RALGPS1: variants seen among roughly 807,000 people sequenced by gnomAD.
RALGPS1 encodes the protein ras-specific guanine nucleotide-releasing factor RalGPS1.
Under a neutral mutation model 78.8 loss-of-function variants are expected in RALGPS1, and 19 were observed. That is an observed-to-expected ratio of 0.24 (90% CI 0.17 to 0.35). The LOEUF is 0.35. Among genes scored for constraint, RALGPS1 ranks in the 10% least tolerant of loss-of-function variants. The pLI, the probability that RALGPS1 is intolerant of heterozygous loss-of-function variation, is 1.00. For missense variants in RALGPS1, 454 were observed against 688.3 expected, an observed-to-expected ratio of 0.66 and a Z score of 3.81; for synonymous variants, 228 against 256.3, an observed-to-expected ratio of 0.89 and a Z score of 1.06.
rs1008306722 is a variant in RALGPS1, at chr9:126,924,787, G to T, written c.-66+9812G>T. On this transcript the variant is annotated intron_variant, in intron 1 of 18. Coordinates refer to ENST00000259351, the MANE Select transcript of RALGPS1 (RefSeq NM_014636.3). ...TCCATCCATGCAGTTCTTGTCCAGGGTCTACTGAGTGCCAGTGCTATGCCA... is the reference window on the plus strand; with the variant it reads ...TCCATCCATGCAGTTCTTGTCCAGGTTCTACTGAGTGCCAGTGCTATGCCA... Among the ~76,000 whole-genome samples the T allele has an allele frequency of 2.0e-5, 3 of 152,214 alleles. No homozygotes were observed. The South Asian group carries it at 6.2e-4, about 32-fold the overall frequency.
rs56123533 is a variant in RALGPS1, at chr9:126,940,441, AT to A, written c.-65-21768del. Among the ~76,000 whole-genome samples the A allele has an allele frequency of 2.7e-3, 369 of 134,782 alleles. 3 individuals are homozygous for A. Among genetic ancestry groups the A allele is most frequent in the African/African-American group, 7.4e-3 (267 of 35,992 alleles). 88.4% of individuals were successfully genotyped at this position (134,782 alleles called of 152,430 possible). On this transcript the variant is annotated intron_variant, in intron 1 of 18. Transcript: ENST00000259351. The stretch of plus-strand genomic sequence containing the variant: ...TTGGGCAGGTGTATGTATATATATA[AT>A]TTTTTTTTTTTTTTTGAGATGGAGT...
chr9:127,111,196 C>T (rs1053685934), intron 8 of RALGPS1, among the ~76,000 whole-genome samples: 19 of 152,198 alleles, frequency 1.2e-4, no homozygotes, highest in African/African-American at 4.3e-4. Flanking sequence ...TTGCTGGTCC[C>T]TGCCCCCTTC....
At chr9:126,944,710 T>C (rs2037099268) in intron 1 of RALGPS1, among the ~76,000 whole-genome samples, 1 of 152,298 alleles carries the variant, frequency 6.6e-6, no homozygotes, top group African/African-American at 2.4e-5. Context: ...ATAACCACAG[T>C]ACTATTATGA....
At chr9:126,993,439 G>T (rs1367834902) in intron 4 of RALGPS1, among the ~76,000 whole-genome samples, 18 of 151,908 alleles carry the variant, frequency 1.2e-4, no homozygotes, top group Admixed American at 1.1e-3. Flanking sequence ...TTTTCAAGAA[G>T]AGTTTGTATA....
intron 4 of RALGPS1, among the ~76,000 whole-genome samples, chr9:126,991,170 C>T (rs1564374845): frequency 6.6e-6 from 1 of 152,206 alleles, no homozygotes; most frequent in Non-Finnish European, 1.5e-5. Context: ...TCTGTTTTAA[C>T]AGTTTCTTGT....
chr9:127,004,321 T>C (rs550621990), intron 4 of RALGPS1, among the ~76,000 whole-genome samples: 85 of 152,314 alleles, frequency 5.6e-4, no homozygotes, highest in African/African-American at 2.0e-3. Flanking sequence ...AATTTTTGTA[T>C]TTTTAGTAGA....
chr9:127,107,819 A>G lies in RALGPS1; in HGVS notation c.610+38463A>G, dbSNP rs954715531. 6.5e-5 allele frequency: 86 copies of G among 1,316,170 alleles called. No homozygotes were observed. In the East Asian group the frequency reaches 1.9e-3, roughly 29 times the overall value. The allele number at this position is 1,316,170 out of a possible 1,614,324, so 81.5% of individuals were successfully genotyped here. On this transcript the variant is annotated intron_variant, in intron 8 of 18. Transcript: ENST00000259351. ...TGTGCATGTCTTTGGCCTGGCTTCA[A>G]CTGGCCATGGCTTTTCCCCATTTGT... is the stretch of plus-strand genomic sequence containing the variant.
At chr9:127,104,053 C>G (rs1050798693) in intron 8 of RALGPS1, among the ~76,000 whole-genome samples, 1 of 152,196 alleles carries the variant, frequency 6.6e-6, no homozygotes, top group Non-Finnish European at 1.5e-5. Context: ...CCAACAGGCT[C>G]TGTTACAGGA....
intron 5 of RALGPS1, among the ~76,000 whole-genome samples, chr9:127,038,984 G>A (rs1257092425): frequency 1.3e-5 from 2 of 152,214 alleles, no homozygotes; most frequent in Non-Finnish European, 1.5e-5. Context: ...ACACAAAGGA[G>A]GAGCAGTTTT....
At chr9:127,095,541 G>A (rs1479385648) in intron 8 of RALGPS1, among the ~76,000 whole-genome samples, 3 of 152,226 alleles carry the variant, frequency 2.0e-5, no homozygotes, top group Admixed American at 1.3e-4. Flanking sequence ...TGCAGATGCG[G>A]TGCTGGGCAG....
intron 11 of RALGPS1, among the ~76,000 whole-genome samples, chr9:127,192,068 T>G (rs961993881): frequency 6.6e-6 from 1 of 152,222 alleles, no homozygotes; most frequent in Non-Finnish European, 1.5e-5. Flanking sequence ...CATGGATGAT[T>G]TCAAGCAAGG....
At chr9:126,960,014 A>T (rs1177542677) in intron 1 of RALGPS1, among the ~76,000 whole-genome samples, 2 of 152,182 alleles carry the variant, frequency 1.3e-5, no homozygotes, top group African/African-American at 4.8e-5. Flanking sequence ...TGAGGAGGGG[A>T]TAACTGAAGT....
chr9:127,108,518 T>A (rs1312469606), intron 8 of RALGPS1: 2 of 1,612,890 alleles, frequency 1.2e-6, no homozygotes, highest in Admixed American at 3.3e-5. Flanking sequence ...TCCTTGGAGT[T>A]GACGCAGATG....
At chr9:127,007,874 C>T (rs1459745271) in intron 4 of RALGPS1, among the ~76,000 whole-genome samples, 1 of 152,144 alleles carries the variant, frequency 6.6e-6, no homozygotes, top group Non-Finnish European at 1.5e-5. Context: ...ATTAGATTTG[C>T]ATGGCTTACA....
chr9:127,128,327 T>A (rs2056774789), intron 8 of RALGPS1, among the ~76,000 whole-genome samples: 1 of 152,284 alleles, frequency 6.6e-6, no homozygotes, highest in Non-Finnish European at 1.5e-5. Context: ...ACCAGCATGC[T>A]GCTTCTTGTT....
In RALGPS1 at chr9:126,988,683, C is replaced by T. The variant is rs557388458; in HGVS notation, c.216+10938C>T. On this transcript the variant is annotated intron_variant, in intron 4 of 18. Transcript: ENST00000259351. ...AGGGAGACTAGTTAGGAGGATTTTGCAGCAGTCTGCATGAGGCAAGGTGGT... is the reference window on the plus strand; with the variant it reads ...AGGGAGACTAGTTAGGAGGATTTTGTAGCAGTCTGCATGAGGCAAGGTGGT... Among the ~76,000 whole-genome samples, 15 of 152,308 alleles carry T rather than the reference C, an allele frequency of 9.8e-5. 2 individuals carry two copies. The highest frequency in any genetic ancestry group is 8.5e-4 in the Admixed American group (13 of 15,304).
intron 4 of RALGPS1, among the ~76,000 whole-genome samples, chr9:127,024,838 A>G (rs2045825933): frequency 6.6e-6 from 1 of 152,102 alleles, no homozygotes; most frequent in Non-Finnish European, 1.5e-5. Flanking sequence ...GTTGTTTTCC[A>G]GTCTTTTGCG....
intron 6 of RALGPS1, among the ~76,000 whole-genome samples, chr9:127,051,339 T>C (rs565049935): frequency 6.6e-6 from 1 of 152,334 alleles, no homozygotes; most frequent in Admixed American, 6.5e-5. Context: ...CTCTGCCATT[T>C]TCTGTGTGGC....
chr9:127,101,732 A>G (rs919733196), intron 8 of RALGPS1, among the ~76,000 whole-genome samples: 14 of 152,252 alleles, frequency 9.2e-5, no homozygotes, highest in African/African-American at 2.9e-4. Flanking sequence ...GTGCCAGATG[A>G]GTGGATTTTT....
Sources: allele counts gnomAD v4.1 joint callset (sites outside exome capture counted in the v4.1 genomes callset), GRCh38; gene constraint gnomAD v4.1.1; transcripts MANE v1.5; gene names NCBI Gene and HGNC (gene_info 2026-07-23, HGNC 2026-07-21).